The following PIK3CG variants were observed in gnomAD, a reference collection of about 807,000 sequenced individuals.
The protein encoded by PIK3CG is phosphatidylinositol-4,5-bisphosphate 3-kinase catalytic subunit gamma.
In PIK3CG, 55 loss-of-function variants were observed where a neutral mutation model predicts 102.3. The observed-to-expected ratio is 0.54, with a 90% confidence interval of 0.43 to 0.67. PIK3CG has a LOEUF of 0.67. Ranked by LOEUF, PIK3CG falls within the 30% of genes least tolerant of loss-of-function variation. The pLI is 0.00. For missense variants in PIK3CG, 1,258 were observed against 1,391.8 expected (o/e 0.90, Z 1.53); for synonymous variants, 552 against 540.0 (o/e 1.02, Z -0.31).
chr7:106,874,828 T>A lies in PIK3CG; in HGVS notation c.2391+25T>A. ...AGTAGGTATCACTTGGATGTCTCCATGTGGTCTTTATGTCTTGAAGATGTC... is the reference window on the plus strand; with the variant it reads ...AGTAGGTATCACTTGGATGTCTCCAAGTGGTCTTTATGTCTTGAAGATGTC... On this transcript the variant is annotated intron_variant, in intron 5 of 10. Transcript: ENST00000496166. This position sits in a 1 kb window ranked among gnomAD's most constrained non-coding sequence, Gnocchi z 4.3. The A allele has an allele frequency of 2.8e-6, 4 of 1,447,230 alleles. No homozygotes were observed. The highest frequency in any genetic ancestry group is 3.9e-6 in the Non-Finnish European group (4 of 1,029,652). 89.6% of individuals were successfully genotyped at this position (1,447,230 alleles called of 1,614,324 possible).
rs1791718369 is a variant in PIK3CG, at chr7:106,907,573, A to G, written c.*2186A>G. ...ATTCTGATAAACAATAGCCAAGTTC[A>G]GACCTTGTACAGATTCTTTTTATTT... is the stretch of plus-strand genomic sequence containing the variant. On this transcript the variant is annotated 3_prime_UTR_variant, in exon 11 of 11. Transcript: ENST00000496166. 2.0e-5 allele frequency among the ~76,000 whole-genome samples: 3 copies of G among 152,054 alleles called. 1 individual carries two copies. In the South Asian group the frequency reaches 6.2e-4, roughly 32 times the overall value.
chr7:106,890,167 G>T lies in PIK3CG; in HGVS notation c.3030+3875G>T, dbSNP rs540812828. Among the ~76,000 whole-genome samples the T allele has an allele frequency of 6.6e-6, 1 of 152,302 alleles. No individual in the cohort carries two copies. Among genetic ancestry groups the T allele is most frequent in the South Asian group, 2.1e-4 (1 of 4,828 alleles). On this transcript the variant is annotated intron_variant, in intron 10 of 10. Coordinates refer to ENST00000496166, the MANE Select transcript of PIK3CG (RefSeq NM_001282426.2). The surrounding 1 kb of genome is among the most constrained non-coding windows in gnomAD (Gnocchi z 4.2). ...CTAAGTTTTTTAAATGTCAGAATGT[G>T]TTTTTTATTGTTCTCGTTGTTTTGT... is the stretch of plus-strand genomic sequence containing the variant.
At chr7:106,898,117 AT>A (rs200200476) in intron 10 of PIK3CG, among the ~76,000 whole-genome samples, 7,733 of 152,208 alleles carry the variant, frequency 0.051, 280 homozygotes, top group Middle Eastern at 0.11. Context: ...TTTGATTTGC[AT>A]TTCTCTAATG....
chr7:106,877,950 G>A lies in PIK3CG; in HGVS notation c.2392-1569G>A, dbSNP rs1357462223. Among the ~76,000 whole-genome samples the A allele has an allele frequency of 1.3e-5, 2 of 152,118 alleles. No homozygotes were observed. Among genetic ancestry groups the A allele is most frequent in the African/African-American group, 4.8e-5 (2 of 41,416 alleles). On this transcript the variant is annotated intron_variant, in intron 5 of 10. Coordinates refer to ENST00000496166, the MANE Select transcript of PIK3CG (RefSeq NM_001282426.2). This position sits in a 1 kb window ranked among gnomAD's most constrained non-coding sequence, Gnocchi z 4.5. ...AAACAGTTAAAAAATAGACTTAACA[G>A]ACTTAATAGATGAAATAATTTTTAA...
At chr7:106,896,742 C>T (rs373256247) in intron 10 of PIK3CG, among the ~76,000 whole-genome samples, 2 of 152,134 alleles carry the variant, frequency 1.3e-5, no homozygotes, top group South Asian at 2.1e-4. Context: ...AGAGGACTGA[C>T]GTTTATTGAG....
chr7:106,870,459 CTTCA>C (rs1790495507), intron 2 of PIK3CG, among the ~76,000 whole-genome samples: 1 of 152,162 alleles, frequency 6.6e-6, no homozygotes, highest in Non-Finnish European at 1.5e-5. Context: ...AGAGCACAGC[CTTCA>C]TTCATTAATT....
At chr7:106,882,941 T>G (rs1197984966) in intron 7 of PIK3CG, 92 bp from the exon 8 acceptor site, 8 of 529,486 alleles carry the variant, frequency 1.5e-5, no homozygotes, top group Non-Finnish European at 2.1e-5. Context: ...AAAAAAACCC[T>G]CTGCCCTTCA....
intron 9 of PIK3CG, 43 bp from the exon 10 acceptor site, chr7:106,886,092 T>G: frequency 6.4e-7 from 1 of 1,560,966 alleles, no homozygotes; most frequent in Middle Eastern, 1.7e-4. Flanking sequence ...AGGAACAAAG[T>G]GCTGTGCCAC....
At position 106,890,910 on chromosome 7, in the gene PIK3CG, G is replaced by A. The variant is rs537446024; in HGVS notation, c.3030+4618G>A. On this transcript the variant is annotated intron_variant, in intron 10 of 10. Coordinates refer to ENST00000496166, the MANE Select transcript of PIK3CG (RefSeq NM_001282426.2). This position sits in a 1 kb window ranked among gnomAD's most constrained non-coding sequence, Gnocchi z 4.2. The stretch of plus-strand genomic sequence containing the variant: ...CTTTCTTCCCAGAATGCTCTGTGCT[G>A]CCCTGTGGTCTCAGCATAAATGTCA... Among the ~76,000 whole-genome samples, 2 of 152,344 alleles carry A rather than the reference G, an allele frequency of 1.3e-5. No homozygotes were observed. The highest frequency in any genetic ancestry group is 3.9e-4 in the East Asian group (2 of 5,190).
At position 106,906,472 on chromosome 7, in the gene PIK3CG, A is replaced by G. The variant is rs1468278310; in HGVS notation, c.*1085A>G. On this transcript the variant is annotated 3_prime_UTR_variant, in exon 11 of 11. Transcript: ENST00000496166. ...TTTTTCTTAATGGAAGAAGATATTT[A>G]ATATCTTAAAAATATTCCAAGTTAG... 8.7e-6 allele frequency: 2 copies of G among 229,792 alleles called. No individual in the cohort carries two copies. Among genetic ancestry groups the G allele is most frequent in the Admixed American group, 5.7e-5 (1 of 17,654 alleles). 14.2% of individuals were successfully genotyped at this position (229,792 alleles called of 1,614,324 possible).
rs746034757 is a variant in PIK3CG at position 106,868,217 on chromosome 7, G to A, written c.656G>A (p.Cys219Tyr). The change falls in exon 2 of 11, where the codon TGC (cysteine) becomes TAC (tyrosine). Residue 219 changes from cysteine (C) to tyrosine (Y), a missense_variant. This residue lies in a region of PIK3CG where 832 missense variants were observed against 787.5 expected (regional missense o/e 1.06). Transcript: ENST00000496166. This position sits in a 1 kb window ranked among gnomAD's most constrained non-coding sequence, Gnocchi z 6.2. Reference sequence around the variant, plus strand: ...CTGTGGAAGAAGATTGCCAACAACTGCATCTTCATCGTCATTCACCGCAGC... The same window carrying A: ...CTGTGGAAGAAGATTGCCAACAACTACATCTTCATCGTCATTCACCGCAGC... ...EYLWKKIANN[C>Y]IFIVIHRSTT... The A allele has an allele frequency of 1.2e-6, 2 of 1,612,278 alleles. No individual in the cohort carries two copies. Among genetic ancestry groups the A allele is most frequent in the Non-Finnish European group, 1.7e-6 (2 of 1,180,010 alleles).
intron 10 of PIK3CG, 66 bp downstream of exon 10, chr7:106,886,358 C>A (rs2116563865): frequency 6.5e-7 from 1 of 1,527,018 alleles, no homozygotes; most frequent in South Asian, 1.2e-5. Context: ...CAGCACTCCG[C>A]AGCCTTCACC....
rs1484305297 is a variant in PIK3CG at position 106,879,643 on chromosome 7, G to A, written c.2516G>A (p.Arg839His). ...GIIFKHGDDLRQDMLILQILR... is the reference protein window; with the variant it reads ...GIIFKHGDDLHQDMLILQILR... ...ATCTTTAAACATGGTGATGATCTGC[G>A]CCAAGACATGCTTATTTTACAGGTA... Residue 839 changes from arginine to histidine, a missense_variant, in exon 6 of 11, where the codon CGC (arginine) becomes CAC (histidine). This residue lies in a region of PIK3CG where 426 missense variants were observed against 604.2 expected (regional missense o/e 0.71). Coordinates refer to ENST00000496166, the MANE Select transcript of PIK3CG (RefSeq NM_001282426.2). This position sits in a 1 kb window ranked among gnomAD's most constrained non-coding sequence, Gnocchi z 4.9. The A allele has an allele frequency of 1.3e-5, 21 of 1,611,948 alleles. No individual in the cohort carries two copies. Among genetic ancestry groups the A allele is most frequent in the Middle Eastern group, 1.7e-4 (1 of 6,056 alleles).
chr7:106,865,690 A>G (rs1790257247), intron 1 of PIK3CG: 1 of 152,236 alleles, frequency 6.6e-6, no homozygotes, highest in Non-Finnish European at 1.5e-5. Context: ...CTACAAGTGC[A>G]TGCTTCAAGA....
Position 106,876,603 on chromosome 7 carries a change from G to A in PIK3CG, c.2391+1800G>A, listed in dbSNP as rs555558956. 1.0e-3 allele frequency among the ~76,000 whole-genome samples: 144 copies of A among 142,098 alleles called. 2 individuals carry two copies. Among genetic ancestry groups the A allele is most frequent in the African/African-American group, 1.4e-3 (54 of 38,276 alleles). The allele number at this position is 142,098 out of a possible 152,430, so 93.2% of individuals were successfully genotyped here. ...TTTTTAGTTGAGATGGGGTTTCACC[G>A]TGTTAGCCAGGATGGTCTCAATCTC... On this transcript the variant is annotated intron_variant, in intron 5 of 10. Transcript: ENST00000496166.
rs772279712 is a variant in PIK3CG, at chr7:106,874,653, T to C, written c.2288-47T>C. Reference sequence around the variant, plus strand: ...CAGGAAATGTAATAGATAATATTGATGATTTCTGGAACTCACATAACTCTT... The same window carrying C: ...CAGGAAATGTAATAGATAATATTGACGATTTCTGGAACTCACATAACTCTT... On this transcript the variant is annotated intron_variant, in intron 4 of 10. Coordinates refer to ENST00000496166, the MANE Select transcript of PIK3CG (RefSeq NM_001282426.2). This position sits in a 1 kb window ranked among gnomAD's most constrained non-coding sequence, Gnocchi z 4.3. 8.7e-7 allele frequency: 1 copy of C among 1,143,494 alleles called. No individual in the cohort carries two copies. The highest frequency in any genetic ancestry group is 1.3e-6 in the Non-Finnish European group (1 of 754,504). The allele number at this position is 1,143,494 out of a possible 1,614,324, so 70.8% of individuals were successfully genotyped here.
intron 10 of PIK3CG, among the ~76,000 whole-genome samples, chr7:106,904,784 T>C (rs1013382231): frequency 1.3e-5 from 2 of 152,236 alleles, no homozygotes; most frequent in Non-Finnish European, 2.9e-5. Flanking sequence ...AGCTGACTCA[T>C]TGCTCTTCAG....
chr7:106,895,383 G>A lies in PIK3CG; in HGVS notation c.3030+9091G>A, dbSNP rs899609748. On this transcript the variant is annotated intron_variant, in intron 10 of 10. Transcript: ENST00000496166. This position sits in a 1 kb window ranked among gnomAD's most constrained non-coding sequence, Gnocchi z 5.4. Reference sequence around the variant, plus strand: ...AACCACAGGCCTCTAGGCCAAGGTAGTGTCAGAACACTCCCACAGACCCTG... The same window carrying A: ...AACCACAGGCCTCTAGGCCAAGGTAATGTCAGAACACTCCCACAGACCCTG... Among the ~76,000 whole-genome samples, 2 of 152,238 alleles carry A rather than the reference G, an allele frequency of 1.3e-5. No homozygotes were observed. The highest frequency in any genetic ancestry group is 2.9e-5 in the Non-Finnish European group (2 of 68,042).
At chr7:106,898,091 G>A (rs1791454746) in intron 10 of PIK3CG, among the ~76,000 whole-genome samples, 1 of 151,998 alleles carries the variant, frequency 6.6e-6, no homozygotes, top group South Asian at 2.1e-4. Flanking sequence ...GGTGGGAGAT[G>A]GTATCTCATT....
Sources: allele counts gnomAD v4.1 joint callset (sites outside exome capture counted in the v4.1 genomes callset), GRCh38; gene constraint gnomAD v4.1.1; regional missense constraint gnomAD v4.1.1; non-coding constraint Gnocchi (gnomAD v3.1); transcripts MANE v1.5; gene names NCBI Gene and HGNC (gene_info 2026-07-23, HGNC 2026-07-21).